The following GPR39 variants were observed in gnomAD, a reference collection of about 807,000 sequenced individuals.
The protein encoded by GPR39 is G protein-coupled receptor 39, also known as zinc sensing receptor.
GPR39 carries 23 observed loss-of-function variants against 18.4 expected under a neutral mutation model. That is an observed-to-expected ratio of 1.25 (90% confidence interval 0.90 to 1.77). The LOEUF (loss-of-function observed/expected upper bound fraction) is 1.77, where lower values mean the gene tolerates loss of function less well. Ranked by LOEUF, GPR39 falls within the 40% of genes most tolerant of loss-of-function variation. The probability of loss-of-function intolerance (pLI) is 0.00; values close to 1 mark genes in which losing one functional copy is unlikely to be tolerated. For missense variants in GPR39, 647 were observed against 602.4 expected (o/e 1.07, Z -0.78); for synonymous variants, 280 against 257.9 (o/e 1.09, Z -0.82).
At chr2:132,634,441 T>C (rs1409793995) in intron 1 of GPR39, among the ~76,000 whole-genome samples, 3 of 152,162 alleles carry the variant, frequency 2.0e-5, no homozygotes, top group African/African-American at 7.2e-5. Context: ...AATCCTTTGT[T>C]GGGAAATCTG....
At chr2:132,544,824 G>A (rs937589215) in intron 1 of GPR39, among the ~76,000 whole-genome samples, 5 of 152,146 alleles carry the variant, frequency 3.3e-5, no homozygotes, top group South Asian at 2.1e-4. Context: ...CTGTCTCCCC[G>A]TGTGGCTGGG....
rs569071579 is a variant in GPR39 at position 132,579,867 on chromosome 2, G to A, written c.857-65234G>A. Among the ~76,000 whole-genome samples the A allele has an allele frequency of 3.9e-5, 6 of 152,250 alleles. No individual in the cohort carries two copies. The East Asian group carries it at 1.2e-3, about 29-fold the overall frequency. ...ATTATTCTTAGATGTTTACCTCAGG[G>A]TTCCAAGAGGAAAATGAGGTGGCTG... is the stretch of plus-strand genomic sequence containing the variant. On this transcript the variant is annotated intron_variant, in intron 1 of 1. Coordinates refer to ENST00000329321, the MANE Select transcript of GPR39 (RefSeq NM_001508.3).
intron 1 of GPR39, among the ~76,000 whole-genome samples, chr2:132,540,971 G>A (rs764654912): frequency 4.6e-5 from 7 of 152,078 alleles, no homozygotes; most frequent in Non-Finnish European, 8.8e-5. Context: ...TCAGCTTGGT[G>A]GCTTCTCTGT....
chr2:132,545,685 T>TGTGTGTGTGTG (rs59392546), intron 1 of GPR39, among the ~76,000 whole-genome samples: 2 of 151,584 alleles, frequency 1.3e-5, no homozygotes, highest in African/African-American at 4.8e-5. Flanking sequence ...TGTGTGTGTG[T>TGTGTGTGTGTG]TAAAGCACCT....
chr2:132,417,306 C>T lies in GPR39; in HGVS notation c.264C>T (p.Pro88=), dbSNP rs147712485. 111 of 1,614,046 alleles carry T rather than the reference C, an allele frequency of 6.9e-5. No homozygotes were observed. The African/African-American group carries it at 1.0e-3, about 15-fold the overall frequency. The change falls in exon 1 of 2, where the codon CCC becomes CCT. Residue 88 remains proline (P), a synonymous_variant. Transcript: ENST00000329321. ...SDILVFLIGM[P]MEFYSIIWNP... ...TCTTGGTGTTCCTCATCGGCATGCC[C>T]ATGGAGTTCTACAGCATCATCTGGA...
chr2:132,575,955 C>G (rs11891678), intron 1 of GPR39, among the ~76,000 whole-genome samples: 1 of 151,922 alleles, frequency 6.6e-6, no homozygotes, highest in Admixed American at 6.6e-5. Flanking sequence ...GTGAGGAAAC[C>G]GCCAGAAGAC....
chr2:132,591,640 C>A (rs1473965039), intron 1 of GPR39, among the ~76,000 whole-genome samples: 1 of 152,086 alleles, frequency 6.6e-6, no homozygotes, highest in Non-Finnish European at 1.5e-5. Context: ...CTGAGTAATA[C>A]AGATTTAAAA....
At position 132,417,570 on chromosome 2, in the gene GPR39, T is replaced by C; in HGVS notation, c.528T>C (p.Thr176=). 1 of 1,614,160 alleles carries C rather than the reference T, an allele frequency of 6.2e-7. No homozygotes were observed. The highest frequency in any genetic ancestry group is 8.5e-7 in the Non-Finnish European group (1 of 1,180,030). The change falls in exon 1 of 2, where the codon ACT becomes ACC. Residue 176 remains threonine (T), a synonymous_variant. Coordinates refer to ENST00000329321, the MANE Select transcript of GPR39 (RefSeq NM_001508.3). ...VALPLLFAMG[T]EYPLVNVPSH... ...TGCCCTTGCTGTTTGCCATGGGTAC[T>C]GAGTACCCCCTGGTGAACGTGCCCA...
At chr2:132,442,353 T>TA (rs1193924193) in intron 1 of GPR39, among the ~76,000 whole-genome samples, 3 of 152,140 alleles carry the variant, frequency 2.0e-5, no homozygotes, top group African/African-American at 7.2e-5. Flanking sequence ...CTGCCTGCCT[T>TA]AGAGACATGG....
chr2:132,422,757 G>T (rs1489174044), intron 1 of GPR39, among the ~76,000 whole-genome samples: 1 of 151,926 alleles, frequency 6.6e-6, no homozygotes, highest in Non-Finnish European at 1.5e-5. Context: ...GATCAGCCTG[G>T]CAGACAAATA....
At chr2:132,624,735 T>G (rs1262655802) in intron 1 of GPR39, among the ~76,000 whole-genome samples, 1 of 152,236 alleles carries the variant, frequency 6.6e-6, no homozygotes, top group Non-Finnish European at 1.5e-5. Flanking sequence ...GATTTGCTCA[T>G]GTTCTAGGGT....
intron 1 of GPR39, among the ~76,000 whole-genome samples, chr2:132,601,626 A>G (rs1376221885): frequency 6.6e-6 from 1 of 152,146 alleles, no homozygotes; most frequent in Non-Finnish European, 1.5e-5. Context: ...AAAAAAGGCA[A>G]TCAAATTGTC....
In GPR39 at chr2:132,566,575, A is replaced by G. The variant is rs369127040; in HGVS notation, c.857-78526A>G. Among the ~76,000 whole-genome samples, 10 of 151,564 alleles carry G rather than the reference A, an allele frequency of 6.6e-5. No homozygotes were observed. The East Asian group carries it at 1.2e-3, about 18-fold the overall frequency. ...GGGTTGCTGTCTCATTGCTCACACT[A>G]CCCTCCTCTCCTCCATGACCCATGA... On this transcript the variant is annotated intron_variant, in intron 1 of 1. Coordinates refer to ENST00000329321, the MANE Select transcript of GPR39 (RefSeq NM_001508.3).
At chr2:132,474,439 G>A (rs781363175) in intron 1 of GPR39, among the ~76,000 whole-genome samples, 5 of 152,168 alleles carry the variant, frequency 3.3e-5, no homozygotes, top group African/African-American at 4.8e-5. Flanking sequence ...GCTAATATAT[G>A]CTTTGGATAT....
chr2:132,421,447 A>AT (rs11427956), intron 1 of GPR39, among the ~76,000 whole-genome samples: 33,147 of 152,126 alleles, frequency 0.22, 3,792 homozygotes, highest in African/African-American at 0.27. Flanking sequence ...ATGAAAAAAG[A>AT]TTTTACAGAC....
chr2:132,558,157 C>T (rs1246714851), intron 1 of GPR39, among the ~76,000 whole-genome samples: 2 of 151,914 alleles, frequency 1.3e-5, no homozygotes, highest in Non-Finnish European at 2.9e-5. Context: ...AGAATGTGAC[C>T]CCTACAGAAG....
intron 1 of GPR39, among the ~76,000 whole-genome samples, chr2:132,585,645 C>T (rs1680710749): frequency 1.3e-5 from 2 of 152,196 alleles, no homozygotes; most frequent in East Asian, 3.9e-4. Flanking sequence ...TAGGCACTGG[C>T]GTGGGGAGGT....
intron 1 of GPR39, among the ~76,000 whole-genome samples, chr2:132,456,897 T>C (rs1223895273): frequency 6.6e-6 from 1 of 152,242 alleles, no homozygotes; most frequent in Admixed American, 6.5e-5. Context: ...CGTTTCTCTC[T>C]GGCTGCCCTT....
At chr2:132,590,818 C>CATGTGTGT (rs1553458734) in intron 1 of GPR39, among the ~76,000 whole-genome samples, 2 of 143,900 alleles carry the variant, frequency 1.4e-5, no homozygotes, top group African/African-American at 5.2e-5. Flanking sequence ...AAGTATTGTT[C>CATGTGTGT]GTGTGTGTGT....
Sources: gnomAD v4.1 joint callset for allele counts (sites outside exome capture counted in the v4.1 genomes callset) on GRCh38, gnomAD v4.1.1 for gene constraint, MANE v1.5 for transcripts, NCBI Gene and HGNC (gene_info 2026-07-23, HGNC 2026-07-21) for gene names.